Variants in ATP6V1H observed in about 807,000 individuals in gnomAD.
The protein encoded by ATP6V1H is V-type proton ATPase subunit H.
ATP6V1H carries 39 observed loss-of-function variants against 71.7 expected under a neutral mutation model. The observed-to-expected ratio is 0.54, with a 90% confidence interval of 0.42 to 0.71. The LOEUF (loss-of-function observed/expected upper bound fraction) is 0.71, where lower values mean the gene tolerates loss of function less well. Among genes scored for constraint, ATP6V1H ranks in the 30% least tolerant of loss-of-function variants. The pLI is 0.00. For missense variants in ATP6V1H, 509 were observed against 594.9 expected (o/e 0.86, Z 1.50); for synonymous variants, 192 against 199.3 (o/e 0.96, Z 0.31).
At chr8:53,820,753 T>C (rs1053109740) in intron 4 of ATP6V1H, among the ~76,000 whole-genome samples, 9 of 145,646 alleles carry the variant, frequency 6.2e-5, no homozygotes, top group African/African-American at 2.3e-4. Context: ...AGGCCAAGGC[T>C]GGCAGATCAC....
intron 9 of ATP6V1H, among the ~76,000 whole-genome samples, chr8:53,776,084 G>A (rs960557626): frequency 1.2e-4 from 18 of 152,350 alleles, no homozygotes; most frequent in South Asian, 8.3e-4. Flanking sequence ...CGAGCGCAGC[G>A]CCGGTGGGCT....
intron 2 of ATP6V1H, among the ~76,000 whole-genome samples, chr8:53,834,160 G>C (rs1475717478): frequency 6.6e-6 from 1 of 152,134 alleles, no homozygotes; most frequent in African/African-American, 2.4e-5. Flanking sequence ...AGGAAAAGCA[G>C]AGAATTTGAG....
At chr8:53,747,872 G>T (rs543980082) in intron 12 of ATP6V1H, among the ~76,000 whole-genome samples, 3 of 152,062 alleles carry the variant, frequency 2.0e-5, no homozygotes, top group African/African-American at 7.2e-5. Context: ...AGTGGTGGGA[G>T]AGGCCAGGCT....
At chr8:53,755,501 C>CG (rs1160673091) in intron 12 of ATP6V1H, among the ~76,000 whole-genome samples, 2 of 40,252 alleles carry the variant, frequency 5.0e-5, no homozygotes, top group Admixed American at 3.5e-4. Flanking sequence ...GATTAGGTTA[C>CG]GGGGGGTGGG....
chr8:53,768,171 C>G (rs543517953), intron 11 of ATP6V1H, among the ~76,000 whole-genome samples: 1 of 152,062 alleles, frequency 6.6e-6, no homozygotes, highest in African/African-American at 2.4e-5. Flanking sequence ...GGCCAATAAG[C>G]ACATGAAAAG....
In ATP6V1H at chr8:53,785,732, CTGTT is replaced by C. The variant is rs567523091; in HGVS notation, c.870+9911_870+9914del. On this transcript the variant is annotated intron_variant, in intron 9 of 13. Transcript: ENST00000359530. The stretch of plus-strand genomic sequence containing the variant: ...TGGGTTTTTGGAGTGGATGTCCTTT[CTGTT>C]TGTTAGTTTTCCTTCTAACACTCAT... 1.5e-3 allele frequency among the ~76,000 whole-genome samples: 232 copies of C among 152,280 alleles called. 2 individuals carry two copies. Among genetic ancestry groups the C allele is most frequent in the African/African-American group, 5.1e-3 (212 of 41,550 alleles).
chr8:53,833,169 C>T (rs2130529926), intron 2 of ATP6V1H, 83 bp from the exon 3 acceptor site: 1 of 1,077,230 alleles, frequency 9.3e-7, no homozygotes, highest in Non-Finnish European at 1.4e-6. Flanking sequence ...TCCTTCTCTT[C>T]TCTCCTTGGC....
chr8:53,805,077 T>A (rs1399184566), intron 7 of ATP6V1H, among the ~76,000 whole-genome samples: 1 of 152,250 alleles, frequency 6.6e-6, no homozygotes, highest in African/African-American at 2.4e-5. Context: ...TCAATGATAC[T>A]GTATGTACAA....
chr8:53,722,538 T>C (rs548274084), intron 13 of ATP6V1H, among the ~76,000 whole-genome samples: 37 of 152,134 alleles, frequency 2.4e-4, no homozygotes, highest in Non-Finnish European at 2.5e-4. Context: ...ATTTAAGACT[T>C]ATTGCAGACC....
chr8:53,840,497 C>CA (rs111534562), intron 2 of ATP6V1H, among the ~76,000 whole-genome samples: 22,240 of 124,878 alleles, frequency 0.18, 2,787 homozygotes, highest in East Asian at 0.47. Context: ...GACTCTGTCT[C>CA]AAAAAAAAAA....
chr8:53,752,542 T>C (rs945367019), intron 12 of ATP6V1H, among the ~76,000 whole-genome samples: 3 of 152,216 alleles, frequency 2.0e-5, no homozygotes, highest in East Asian at 1.9e-4. Flanking sequence ...AAACTGAGTA[T>C]AGATACTTTC....
intron 13 of ATP6V1H, among the ~76,000 whole-genome samples, chr8:53,721,075 T>C (rs911358529): frequency 1.5e-4 from 23 of 152,164 alleles, no homozygotes; most frequent in Non-Finnish European, 2.8e-4. Context: ...ATAAACACAA[T>C]TTATCTTAGA....
chr8:53,758,443 TATCCC>T (rs2130263430), intron 11 of ATP6V1H, among the ~76,000 whole-genome samples: 2 of 152,314 alleles, frequency 1.3e-5, no homozygotes, highest in Middle Eastern at 3.4e-3. Context: ...TGTCCCTAAC[TATCCC>T]ACTCATTACC....
chr8:53,721,649 G>A lies in ATP6V1H; in HGVS notation c.1392-5625C>T, dbSNP rs140492277. Among the ~76,000 whole-genome samples, 346 of 152,126 alleles carry A rather than the reference G, an allele frequency of 2.3e-3. 2 individuals are homozygous for A. The highest frequency in any genetic ancestry group is 8.1e-3 in the African/African-American group (335 of 41,488). ...CAACTAGATTAGTGGGGAGTGTACT[G>A]GTACCAAGTCTAATTTCAAAATTCA... On this transcript the variant is annotated intron_variant, in intron 13 of 13. Transcript: ENST00000359530.
At chr8:53,835,611 C>A (rs1360276284) in intron 2 of ATP6V1H, among the ~76,000 whole-genome samples, 2 of 152,208 alleles carry the variant, frequency 1.3e-5, no homozygotes, top group African/African-American at 4.8e-5. Flanking sequence ...ACTATTCTGT[C>A]TTCTTACATC....
intron 4 of ATP6V1H, among the ~76,000 whole-genome samples, chr8:53,818,397 T>C (rs754921833): frequency 3.3e-5 from 5 of 152,188 alleles, no homozygotes; most frequent in Non-Finnish European, 5.9e-5. Context: ...AAAATTCCTA[T>C]TTTCAGATTA....
At chr8:53,737,800 G>T (rs1361365034) in intron 13 of ATP6V1H, among the ~76,000 whole-genome samples, 1 of 152,084 alleles carries the variant, frequency 6.6e-6, no homozygotes, top group Non-Finnish European at 1.5e-5. Context: ...AAATTTAAAT[G>T]GAATAAAAAT....
chr8:53,811,438 C>T (rs936395731), intron 6 of ATP6V1H, among the ~76,000 whole-genome samples: 2 of 152,032 alleles, frequency 1.3e-5, no homozygotes, highest in African/African-American at 4.8e-5. Flanking sequence ...CAGTAAGTAG[C>T]TAAAAATGGA....
chr8:53,735,511 G>A (rs1807172265), intron 13 of ATP6V1H, among the ~76,000 whole-genome samples: 1 of 152,084 alleles, frequency 6.6e-6, no homozygotes, highest in Non-Finnish European at 1.5e-5. Flanking sequence ...ATAAAATCAA[G>A]TTTTTGCCTA....
Sources: allele counts gnomAD v4.1 joint callset (sites outside exome capture counted in the v4.1 genomes callset), GRCh38; gene constraint gnomAD v4.1.1; transcripts MANE v1.5; gene names NCBI Gene and HGNC (gene_info 2026-07-23, HGNC 2026-07-21).